SF3B5: variants seen among roughly 807,000 people sequenced by gnomAD.
SF3B5 encodes splicing factor 3b subunit 5.
Under a neutral mutation model 7.0 loss-of-function variants are expected in SF3B5, and 3 were observed. The observed-to-expected ratio is 0.43, with a 90% CI of 0.19 to 1.10. The LOEUF (loss-of-function observed/expected upper bound fraction) is 1.10, where lower values mean the gene tolerates loss of function less well. Among genes scored for constraint, SF3B5 ranks in the 50% least tolerant of loss-of-function variants. The probability of loss-of-function intolerance (pLI) is 0.29; values close to 1 mark genes in which losing one functional copy is unlikely to be tolerated. For missense variants in SF3B5, 73 were observed against 113.6 expected (o/e 0.64, Z 1.63); for synonymous variants, 51 against 44.8 (o/e 1.14, Z -0.55).
Position 144,095,552 on chromosome 6 carries a change from C to G in SF3B5, c.-55G>C. On this transcript the variant is annotated 5_prime_UTR_variant, in exon 1 of 1. Coordinates refer to ENST00000367569, the MANE Select transcript of SF3B5 (RefSeq NM_031287.3). The surrounding 1 kb of genome is among the most constrained non-coding windows in gnomAD (Gnocchi z 4.3). ...AGAGGACGCAGGTAACAACTCGCCGCTCTAGCGTTTTACAGGAGAGTGAAG... is the reference window on the plus strand; with the variant it reads ...AGAGGACGCAGGTAACAACTCGCCGGTCTAGCGTTTTACAGGAGAGTGAAG... 1.9e-6 allele frequency: 3 copies of G among 1,601,056 alleles called. No homozygotes were observed. Among genetic ancestry groups the G allele is most frequent in the South Asian group, 1.1e-5 (1 of 90,142 alleles).
chr6:144,095,195 C>A lies in SF3B5; in HGVS notation c.*42G>T, dbSNP rs754826701. 3 of 1,610,434 alleles carry A rather than the reference C, an allele frequency of 1.9e-6. No homozygotes were observed. The highest frequency in any genetic ancestry group is 4.5e-5 in the East Asian group (2 of 44,828). ...TAAGAGGATTGGCAAACCGGAGAAA[C>A]GCTGGGAGAGGTGCCCCGCACTGCG... On this transcript the variant is annotated 3_prime_UTR_variant, in exon 1 of 1. Transcript: ENST00000367569. This position sits in a 1 kb window ranked among gnomAD's most constrained non-coding sequence, Gnocchi z 4.3.
In SF3B5 at chr6:144,095,130, A is replaced by T; in HGVS notation, c.*107T>A. ...TCTGTACGCGGAAAGCACGAGGCGC[A>T]GGAGCCATGGAGAGCCGGTCCTTTG... is the stretch of plus-strand genomic sequence containing the variant. On this transcript the variant is annotated 3_prime_UTR_variant, in exon 1 of 1. Coordinates refer to ENST00000367569, the MANE Select transcript of SF3B5 (RefSeq NM_031287.3). The surrounding 1 kb of genome is among the most constrained non-coding windows in gnomAD (Gnocchi z 4.3). 1 of 1,530,138 alleles carries T rather than the reference A, an allele frequency of 6.5e-7. No homozygotes were observed. The highest frequency in any genetic ancestry group is 8.9e-7 in the Non-Finnish European group (1 of 1,125,684). 94.8% of individuals were successfully genotyped at this position (1,530,138 alleles called of 1,614,324 possible).
chr6:144,095,572 G>A lies in SF3B5; in HGVS notation c.-75C>T, dbSNP rs962534309. On this transcript the variant is annotated 5_prime_UTR_variant, in exon 1 of 1. Coordinates refer to ENST00000367569, the MANE Select transcript of SF3B5 (RefSeq NM_031287.3). This position sits in a 1 kb window ranked among gnomAD's most constrained non-coding sequence, Gnocchi z 4.3. ...CGCCGCTCTAGCGTTTTACAGGAGA[G>A]TGAAGCCACCGCGCGGAAGCTCCAG... The A allele has an allele frequency of 1.3e-6, 2 of 1,569,004 alleles. No homozygotes were observed. Among genetic ancestry groups the A allele is most frequent in the East Asian group, 2.3e-5 (1 of 43,270 alleles).
chr6:144,095,483 G>GT lies in SF3B5; in HGVS notation c.14dup (p.Tyr5Ter). 6.2e-7 allele frequency: 1 copy of GT among 1,614,032 alleles called. No individual in the cohort carries two copies. MTDR[Y>*]TIHSQLEHLQ... is the part of the protein sequence containing the mutation. Reference sequence around the variant, plus strand: ...GGTGCTCCAGCTGGCTATGGATGGTGTAGCGGTCAGTCATCTCGCCGCTTT... The same window carrying GT: ...GGTGCTCCAGCTGGCTATGGATGGTGTTAGCGGTCAGTCATCTCGCCGCTTT... Residue 5 changes from tyrosine (Y) to a stop codon, truncating the protein, a stop_gained and frameshift_variant, in exon 1 of 1, where the codon TAC becomes TAAC. Coordinates refer to ENST00000367569, the MANE Select transcript of SF3B5 (RefSeq NM_031287.3). LOFTEE classifies it high-confidence loss of function. This position sits in a 1 kb window ranked among gnomAD's most constrained non-coding sequence, Gnocchi z 4.3.
rs755518906 is a variant in SF3B5 at position 144,095,345 on chromosome 6, G to C, written c.153C>G (p.Asn51Lys). The C allele has an allele frequency of 1.2e-6, 2 of 1,614,178 alleles. No individual in the cohort carries two copies. The highest frequency in any genetic ancestry group is 2.2e-5 in the East Asian group (1 of 44,898). The change falls in exon 1 of 1, where the codon AAC becomes AAG. Residue 51 changes from asparagine to lysine, a missense_variant. Coordinates refer to ENST00000367569, the MANE Select transcript of SF3B5 (RefSeq NM_031287.3). This position sits in a 1 kb window ranked among gnomAD's most constrained non-coding sequence, Gnocchi z 4.3. ...CSYMGHFDLLNYFAIAENESK... is the reference protein window; with the variant it reads ...CSYMGHFDLLKYFAIAENESK... Reference sequence around the variant, plus strand: ...TCTCATTCTCCGCAATGGCGAAGTAGTTGAGAAGGTCGAAGTGGCCCATGT... The same window carrying C: ...TCTCATTCTCCGCAATGGCGAAGTACTTGAGAAGGTCGAAGTGGCCCATGT...
rs1303021170 is a variant in SF3B5, at chr6:144,095,140, G to A, written c.*97C>T. The stretch of plus-strand genomic sequence containing the variant: ...GAAAGCACGAGGCGCAGGAGCCATG[G>A]AGAGCCGGTCCTTTGGAGACAGGAA... On this transcript the variant is annotated 3_prime_UTR_variant, in exon 1 of 1. Coordinates refer to ENST00000367569, the MANE Select transcript of SF3B5 (RefSeq NM_031287.3). The surrounding 1 kb of genome is among the most constrained non-coding windows in gnomAD (Gnocchi z 4.3). The A allele has an allele frequency of 2.6e-5, 40 of 1,559,442 alleles. No individual in the cohort carries two copies. Among genetic ancestry groups the A allele is most frequent in the Non-Finnish European group, 3.3e-5 (38 of 1,148,090 alleles).
rs775661367 is a variant in SF3B5, at chr6:144,095,513, T to C, written c.-16A>G. On this transcript the variant is annotated 5_prime_UTR_variant, in exon 1 of 1. Transcript: ENST00000367569. This position sits in a 1 kb window ranked among gnomAD's most constrained non-coding sequence, Gnocchi z 4.3. Reference sequence around the variant, plus strand: ...GGTCAGTCATCTCGCCGCTTTCCCCTTCGCTCTCAGGTCAGAGGACGCAGG... The same window carrying C: ...GGTCAGTCATCTCGCCGCTTTCCCCCTCGCTCTCAGGTCAGAGGACGCAGG... 6.2e-7 allele frequency: 1 copy of C among 1,613,130 alleles called. No homozygotes were observed. Among genetic ancestry groups the C allele is most frequent in the Admixed American group, 1.7e-5 (1 of 60,010 alleles).
Position 144,095,004 on chromosome 6 carries a change from C to G in SF3B5, c.*233G>C. 3.2e-6 allele frequency: 2 copies of G among 621,636 alleles called. No homozygotes were observed. The highest frequency in any genetic ancestry group is 5.6e-6 in the Non-Finnish European group (2 of 357,110). The allele number at this position is 621,636 out of a possible 1,614,324, so 38.5% of individuals were successfully genotyped here. On this transcript the variant is annotated 3_prime_UTR_variant, in exon 1 of 1. Transcript: ENST00000367569. The surrounding 1 kb of genome is among the most constrained non-coding windows in gnomAD (Gnocchi z 4.3). The stretch of plus-strand genomic sequence containing the variant: ...TCTCAAACGCTCGCCGGCTCTAGGA[C>G]CTCTCCACCAGCACAGTTCTCAGGA...
rs1800130121 is a variant in SF3B5, at chr6:144,095,566, A to G, written c.-69T>C. On this transcript the variant is annotated 5_prime_UTR_variant, in exon 1 of 1. Transcript: ENST00000367569. This position sits in a 1 kb window ranked among gnomAD's most constrained non-coding sequence, Gnocchi z 4.3. The stretch of plus-strand genomic sequence containing the variant: ...ACAACTCGCCGCTCTAGCGTTTTAC[A>G]GGAGAGTGAAGCCACCGCGCGGAAG... The G allele has an allele frequency of 3.8e-6, 6 of 1,578,782 alleles. No homozygotes were observed. Among genetic ancestry groups the G allele is most frequent in the African/African-American group, 1.3e-5 (1 of 74,206 alleles).
chr6:144,095,016 C>T lies in SF3B5; in HGVS notation c.*221G>A. On this transcript the variant is annotated 3_prime_UTR_variant, in exon 1 of 1. Transcript: ENST00000367569. This position sits in a 1 kb window ranked among gnomAD's most constrained non-coding sequence, Gnocchi z 4.3. Reference sequence around the variant, plus strand: ...GCCGGCTCTAGGACCTCTCCACCAGCACAGTTCTCAGGAGTCCTGCTGGTC... The same window carrying T: ...GCCGGCTCTAGGACCTCTCCACCAGTACAGTTCTCAGGAGTCCTGCTGGTC... 1 of 657,072 alleles carries T rather than the reference C, an allele frequency of 1.5e-6. No individual in the cohort carries two copies. Among genetic ancestry groups the T allele is most frequent in the Non-Finnish European group, 2.6e-6 (1 of 383,832 alleles). The allele number at this position is 657,072 out of a possible 1,614,324, so 40.7% of individuals were successfully genotyped here.
At position 144,095,159 on chromosome 6, in the gene SF3B5, A is replaced by G; in HGVS notation, c.*78T>C. The stretch of plus-strand genomic sequence containing the variant: ...GCCATGGAGAGCCGGTCCTTTGGAG[A>G]CAGGAATACTTAAGAGGATTGGCAA... On this transcript the variant is annotated 3_prime_UTR_variant, in exon 1 of 1. Transcript: ENST00000367569. This position sits in a 1 kb window ranked among gnomAD's most constrained non-coding sequence, Gnocchi z 4.3. 1 of 1,587,986 alleles carries G rather than the reference A, an allele frequency of 6.3e-7. No homozygotes were observed. The highest frequency in any genetic ancestry group is 1.1e-5 in the South Asian group (1 of 87,762).
Position 144,095,529 on chromosome 6 carries a change from A to G in SF3B5, c.-32T>C, listed in dbSNP as rs750008656. 1.9e-6 allele frequency: 3 copies of G among 1,610,512 alleles called. No homozygotes were observed. The highest frequency in any genetic ancestry group is 4.5e-5 in the East Asian group (2 of 44,742). The stretch of plus-strand genomic sequence containing the variant: ...GCTTTCCCCTTCGCTCTCAGGTCAG[A>G]GGACGCAGGTAACAACTCGCCGCTC... On this transcript the variant is annotated 5_prime_UTR_variant, in exon 1 of 1. Transcript: ENST00000367569. The surrounding 1 kb of genome is among the most constrained non-coding windows in gnomAD (Gnocchi z 4.3).
In SF3B5 at chr6:144,095,228, G is replaced by A. The variant is rs770444419; in HGVS notation, c.*9C>T. Reference sequence around the variant, plus strand: ...GAGGTGCCCCGCACTGCGGTGGTAAGGCAGAGTCTCAGTTCTCCTCGGGCT... The same window carrying A: ...GAGGTGCCCCGCACTGCGGTGGTAAAGCAGAGTCTCAGTTCTCCTCGGGCT... On this transcript the variant is annotated 3_prime_UTR_variant, in exon 1 of 1. Coordinates refer to ENST00000367569, the MANE Select transcript of SF3B5 (RefSeq NM_031287.3). The surrounding 1 kb of genome is among the most constrained non-coding windows in gnomAD (Gnocchi z 4.3). 6.2e-7 allele frequency: 1 copy of A among 1,613,856 alleles called. No homozygotes were observed. Among genetic ancestry groups the A allele is most frequent in the Admixed American group, 1.7e-5 (1 of 60,028 alleles).
chr6:144,095,462 C>T lies in SF3B5; in HGVS notation c.36G>A (p.Glu12=). The part of the protein sequence containing the change: ...TDRYTIHSQL[E]HLQSKYIGTG... ...TGCCGATGTACTTGGACTGCAGGTGCTCCAGCTGGCTATGGATGGTGTAGC... is the reference window on the plus strand; with the variant it reads ...TGCCGATGTACTTGGACTGCAGGTGTTCCAGCTGGCTATGGATGGTGTAGC... The change falls in exon 1 of 1, where the codon GAG becomes GAA. Residue 12 remains glutamate, a synonymous_variant. Coordinates refer to ENST00000367569, the MANE Select transcript of SF3B5 (RefSeq NM_031287.3). The surrounding 1 kb of genome is among the most constrained non-coding windows in gnomAD (Gnocchi z 4.3). The T allele has an allele frequency of 6.2e-7, 1 of 1,614,258 alleles. No individual in the cohort carries two copies. The highest frequency in any genetic ancestry group is 1.1e-5 in the South Asian group (1 of 91,088).
In SF3B5 at chr6:144,095,072, GGCA is replaced by G. The variant is rs1163508449; in HGVS notation, c.*162_*164del. 1 of 989,704 alleles carries G rather than the reference GGCA, an allele frequency of 1.0e-6. No individual in the cohort carries two copies. The highest frequency in any genetic ancestry group is 1.6e-5 in the African/African-American group (1 of 62,388). 61.3% of individuals were successfully genotyped at this position (989,704 alleles called of 1,614,324 possible). A position where few individuals can be genotyped will look rare whatever the true frequency, so the allele number is the denominator to read the frequency against. Reference sequence around the variant, plus strand: ...GTGCTGTTCTAAGGGTCCACATGAAGGCAGGTCAGGCGGGACTCCCCGGGCAAG... The same window carrying G: ...GTGCTGTTCTAAGGGTCCACATGAAGGGTCAGGCGGGACTCCCCGGGCAAG... On this transcript the variant is annotated 3_prime_UTR_variant, in exon 1 of 1. Transcript: ENST00000367569. This position sits in a 1 kb window ranked among gnomAD's most constrained non-coding sequence, Gnocchi z 4.3.
At position 144,095,028 on chromosome 6, in the gene SF3B5, G is replaced by A. The variant is rs1800117760; in HGVS notation, c.*209C>T. On this transcript the variant is annotated 3_prime_UTR_variant, in exon 1 of 1. Transcript: ENST00000367569. The surrounding 1 kb of genome is among the most constrained non-coding windows in gnomAD (Gnocchi z 4.3). ...ACCTCTCCACCAGCACAGTTCTCAG[G>A]AGTCCTGCTGGTCTCCCAGTGCTGT... is the stretch of plus-strand genomic sequence containing the variant. 3 of 699,268 alleles carry A rather than the reference G, an allele frequency of 4.3e-6. No individual in the cohort carries two copies. Among genetic ancestry groups the A allele is most frequent in the African/African-American group, 1.8e-5 (1 of 56,254 alleles). The allele number at this position is 699,268 out of a possible 1,614,324, so 43.3% of individuals were successfully genotyped here.
chr6:144,095,535 C>T lies in SF3B5; in HGVS notation c.-38G>A. Reference sequence around the variant, plus strand: ...CCCTTCGCTCTCAGGTCAGAGGACGCAGGTAACAACTCGCCGCTCTAGCGT... The same window carrying T: ...CCCTTCGCTCTCAGGTCAGAGGACGTAGGTAACAACTCGCCGCTCTAGCGT... On this transcript the variant is annotated 5_prime_UTR_variant, in exon 1 of 1. Coordinates refer to ENST00000367569, the MANE Select transcript of SF3B5 (RefSeq NM_031287.3). This position sits in a 1 kb window ranked among gnomAD's most constrained non-coding sequence, Gnocchi z 4.3. The T allele has an allele frequency of 6.2e-7, 1 of 1,607,934 alleles. No homozygotes were observed. Among genetic ancestry groups the T allele is most frequent in the Non-Finnish European group, 8.5e-7 (1 of 1,175,278 alleles).
rs1227790763 is a variant in SF3B5, at chr6:144,095,216, C to A, written c.*21G>T. The A allele has an allele frequency of 6.2e-7, 1 of 1,613,160 alleles. No homozygotes were observed. Among genetic ancestry groups the A allele is most frequent in the African/African-American group, 1.3e-5 (1 of 75,054 alleles). ...GAAACGCTGGGAGAGGTGCCCCGCA[C>A]TGCGGTGGTAAGGCAGAGTCTCAGT... On this transcript the variant is annotated 3_prime_UTR_variant, in exon 1 of 1. Transcript: ENST00000367569. This position sits in a 1 kb window ranked among gnomAD's most constrained non-coding sequence, Gnocchi z 4.3.
In SF3B5 at chr6:144,095,123, G is replaced by A; in HGVS notation, c.*114C>T. On this transcript the variant is annotated 3_prime_UTR_variant, in exon 1 of 1. Transcript: ENST00000367569. The surrounding 1 kb of genome is among the most constrained non-coding windows in gnomAD (Gnocchi z 4.3). ...AAGCACTTCTGTACGCGGAAAGCACGAGGCGCAGGAGCCATGGAGAGCCGG... is the reference window on the plus strand; with the variant it reads ...AAGCACTTCTGTACGCGGAAAGCACAAGGCGCAGGAGCCATGGAGAGCCGG... 4.6e-6 allele frequency: 7 copies of A among 1,506,498 alleles called. No homozygotes were observed. The highest frequency in any genetic ancestry group is 2.3e-5 in the East Asian group (1 of 44,216). The allele number at this position is 1,506,498 out of a possible 1,614,324, so 93.3% of individuals were successfully genotyped here.
Sources: allele counts gnomAD v4.1 joint callset, GRCh38; gene constraint gnomAD v4.1.1; non-coding constraint Gnocchi (gnomAD v3.1); transcripts MANE v1.5; gene names NCBI Gene and HGNC (gene_info 2026-07-23, HGNC 2026-07-21).